Variants in SLIT3 observed in about 807,000 individuals in gnomAD.
The protein encoded by SLIT3 is slit guidance ligand 3, also known as slit homolog 3 protein.
Under a neutral mutation model 184.0 loss-of-function variants are expected in SLIT3, and 68 were observed. The observed-to-expected ratio is 0.37, with a 90% confidence interval of 0.30 to 0.45. The LOEUF (loss-of-function observed/expected upper bound fraction) is 0.45, where lower values mean the gene tolerates loss of function less well. Among genes scored for constraint, SLIT3 ranks in the 20% least tolerant of loss-of-function variants. SLIT3 has a pLI of 1.00. For missense variants in SLIT3, 1,707 were observed against 2,026.0 expected, an observed-to-expected ratio of 0.84 and a Z score of 3.02; for synonymous variants, 831 against 828.6, an observed-to-expected ratio of 1.00 and a Z score of -0.05.
chr5:169,013,339 C>A (rs112217965), intron 4 of SLIT3: 35 of 152,364 alleles, frequency 2.3e-4, no homozygotes, highest in African/African-American at 7.9e-4. Context: ...GCCTGGCCAA[C>A]TCAAGCTCCG....
At chr5:169,175,252 G>A (rs1361696835) in intron 4 of SLIT3, among the ~76,000 whole-genome samples, 1 of 152,202 alleles carries the variant, frequency 6.6e-6, no homozygotes, top group African/African-American at 2.4e-5. Flanking sequence ...TCTGGCTGTT[G>A]CTATATCCAT....
chr5:169,157,250 C>T (rs915055295), intron 4 of SLIT3, among the ~76,000 whole-genome samples: 1 of 152,204 alleles, frequency 6.6e-6, no homozygotes, highest in African/African-American at 2.4e-5. Context: ...GTACCCCTCC[C>T]CTGTGACATA....
chr5:169,169,122 G>A (rs547061652), intron 4 of SLIT3, among the ~76,000 whole-genome samples: 34 of 152,306 alleles, frequency 2.2e-4, no homozygotes, highest in South Asian at 1.0e-3. Context: ...TCTAGGTGCC[G>A]GCTCCTAACC....
chr5:168,755,326 C>G (rs1428710147), intron 16 of SLIT3, among the ~76,000 whole-genome samples: 1 of 151,804 alleles, frequency 6.6e-6, no homozygotes, highest in Admixed American at 6.6e-5. Context: ...TTACAAAATT[C>G]AAGATTTTGG....
intron 4 of SLIT3, among the ~76,000 whole-genome samples, chr5:168,927,453 G>A (rs1174406393): frequency 6.6e-6 from 1 of 152,168 alleles, no homozygotes; most frequent in Admixed American, 6.5e-5. Flanking sequence ...ACGACAATGT[G>A]AATAGACTTG....
At chr5:169,032,604 T>C (rs1459432538) in intron 4 of SLIT3, among the ~76,000 whole-genome samples, 3 of 152,008 alleles carry the variant, frequency 2.0e-5, no homozygotes, top group East Asian at 3.9e-4. Context: ...GTTTCGTTTT[T>C]TTTTTTTTCA....
chr5:169,125,896 A>G (rs1348027866), intron 4 of SLIT3, among the ~76,000 whole-genome samples: 1 of 152,208 alleles, frequency 6.6e-6, no homozygotes, highest in Non-Finnish European at 1.5e-5. Flanking sequence ...GGTAGAGACG[A>G]AACCAGCTTG....
intron 3 of SLIT3, among the ~76,000 whole-genome samples, chr5:169,236,261 A>G (rs1765193006): frequency 6.6e-6 from 1 of 152,146 alleles, no homozygotes; most frequent in Admixed American, 6.5e-5. Context: ...ATACTCCCCA[A>G]ATTGTGGGGT....
At chr5:168,958,923 C>G (rs997834303) in intron 4 of SLIT3, among the ~76,000 whole-genome samples, 1 of 152,268 alleles carries the variant, frequency 6.6e-6, no homozygotes, top group Non-Finnish European at 1.5e-5. Flanking sequence ...ACCCCTTTTA[C>G]TTCCACCTGG....
intron 4 of SLIT3, among the ~76,000 whole-genome samples, chr5:168,971,909 G>A (rs886973751): frequency 9.2e-5 from 14 of 152,218 alleles, no homozygotes; most frequent in African/African-American, 2.9e-4. Context: ...CTCGGGGAGC[G>A]AGAGAGTTCA....
At chr5:168,855,425 T>C (rs1399557375) in intron 5 of SLIT3, among the ~76,000 whole-genome samples, 2 of 152,308 alleles carry the variant, frequency 1.3e-5, no homozygotes, top group African/African-American at 2.4e-5. Context: ...ACACAAATGT[T>C]CATAGTGGCA....
intron 20 of SLIT3, among the ~76,000 whole-genome samples, chr5:168,731,066 G>T (rs189561939): frequency 6.6e-6 from 1 of 151,302 alleles, no homozygotes; most frequent in Non-Finnish European, 1.5e-5. Flanking sequence ...GAAGAGGGAA[G>T]ATCCAAATAA....
intron 6 of SLIT3, among the ~76,000 whole-genome samples, chr5:168,827,884 C>T (rs1036662023): frequency 5.3e-5 from 8 of 152,186 alleles, no homozygotes; most frequent in Non-Finnish European, 1.0e-4. Flanking sequence ...TTTGTATTGT[C>T]GATCTGCTTT....
chr5:168,685,196 A>T, intron 31 of SLIT3, among the ~76,000 whole-genome samples: 1 of 152,232 alleles, frequency 6.6e-6, no homozygotes, highest in East Asian at 1.9e-4. Flanking sequence ...TGATCCACCC[A>T]CCTCAGCCTC....
chr5:169,227,014 T>G (rs971897830), intron 3 of SLIT3, among the ~76,000 whole-genome samples: 2 of 152,136 alleles, frequency 1.3e-5, no homozygotes, highest in South Asian at 4.1e-4. Flanking sequence ...GCCCCCACAC[T>G]GTGTTTGTGT....
chr5:169,188,780 A>G (rs1461987331), intron 4 of SLIT3, among the ~76,000 whole-genome samples: 1 of 152,168 alleles, frequency 6.6e-6, no homozygotes, highest in Non-Finnish European at 1.5e-5. Context: ...CCTCACAACA[A>G]CATGGAGAGG....
chr5:168,809,377 A>G (rs1268472427), intron 8 of SLIT3, among the ~76,000 whole-genome samples: 1 of 152,174 alleles, frequency 6.6e-6, no homozygotes, highest in East Asian at 1.9e-4. Context: ...GAGAGAAACA[A>G]TGGTAATTAT....
intron 33 of SLIT3, 107 bp from the exon 34 acceptor site, chr5:168,671,590 C>T (rs1158097268): frequency 8.8e-6 from 11 of 1,254,540 alleles, no homozygotes; most frequent in Non-Finnish European, 1.2e-5. Context: ...AACTCTGGGC[C>T]TCTGCTGTTC....
Position 169,248,965 on chromosome 5 carries a change from GAC to G in SLIT3, c.269+2421_269+2422del, listed in dbSNP as rs989699766. Among the ~76,000 whole-genome samples, 36 of 152,244 alleles carry G rather than the reference GAC, an allele frequency of 2.4e-4. 1 individual carries two copies. The highest frequency in any genetic ancestry group is 8.7e-4 in the African/African-American group (36 of 41,536). On this transcript the variant is annotated intron_variant, in intron 2 of 35. Transcript: ENST00000519560. ...CTGCTTTTGCCCATATTAACAGTTT[GAC>G]ACAGAAACTGTTGGGTGGCCAATTT...
Sources: gnomAD v4.1 joint callset for allele counts (sites outside exome capture counted in the v4.1 genomes callset) on GRCh38, gnomAD v4.1.1 for gene constraint, MANE v1.5 for transcripts, NCBI Gene and HGNC (gene_info 2026-07-23, HGNC 2026-07-21) for gene names.